HDLBP: variants seen among roughly 807,000 people sequenced by gnomAD.
HDLBP encodes the protein vigilin.
A neutral mutation model predicts 137.3 loss-of-function variants in HDLBP; 30 were observed. The ratio of observed to expected loss-of-function variants is 0.22; its 90% confidence interval spans 0.16 to 0.30. The LOEUF (loss-of-function observed/expected upper bound fraction) is 0.30, where lower values mean the gene tolerates loss of function less well. Ranked by LOEUF, HDLBP falls within the 10% of genes least tolerant of loss-of-function variation. The pLI, the probability that HDLBP is intolerant of heterozygous loss-of-function variation, is 1.00. For synonymous variants in HDLBP, 606 were observed against 596.0 expected (o/e 1.02, Z -0.24); for missense variants, 1,119 against 1,667.3 (o/e 0.67, Z 5.73).
At chr2:241,307,471 T>A (rs967270217) in intron 1 of HDLBP, among the ~76,000 whole-genome samples, 1 of 152,176 alleles carries the variant, frequency 6.6e-6, no homozygotes, top group Non-Finnish European at 1.5e-5. Context: ...TTAATTAACA[T>A]TGACAGTATT....
intron 1 of HDLBP, among the ~76,000 whole-genome samples, chr2:241,279,726 A>C (rs1215537608): frequency 6.6e-6 from 1 of 152,196 alleles, no homozygotes; most frequent in East Asian, 1.9e-4. Flanking sequence ...AAGGCTTAAG[A>C]AGCAAATACT....
intron 16 of HDLBP, 62 bp downstream of exon 16, chr2:241,246,690 C>T (rs2071708711): frequency 6.5e-7 from 1 of 1,544,186 alleles, no homozygotes; most frequent in Non-Finnish European, 8.8e-7. Flanking sequence ...ACCCCAGGCT[C>T]AATCTTAGAG....
At chr2:241,243,527 C>T (rs1265249066) in intron 16 of HDLBP, 3 of 153,038 alleles carry the variant, frequency 2.0e-5, no homozygotes, top group East Asian at 1.9e-4. Flanking sequence ...GCCTGCAGCT[C>T]AGTCGGGGCC....
Position 241,239,826 on chromosome 2 carries a change from G to A in HDLBP, c.2392-6C>T. ...GAGTCTTCCACCACATTATCCTGCA[G>A]TGTTAAGAAGAGATGGAAGATAAGC... On this transcript the variant is annotated splice_polypyrimidine_tract_variant and splice_region_variant and intron_variant, in intron 18 of 27. Coordinates refer to ENST00000310931, the MANE Select transcript of HDLBP (RefSeq NM_005336.6). The surrounding 1 kb of genome is among the most constrained non-coding windows in gnomAD (Gnocchi z 4.6). The A allele has an allele frequency of 1.2e-6, 2 of 1,612,394 alleles. No individual in the cohort carries two copies. The highest frequency in any genetic ancestry group is 1.7e-6 in the Non-Finnish European group (2 of 1,178,718).
At chr2:241,262,509 G>GT (rs2073287520) in intron 5 of HDLBP, among the ~76,000 whole-genome samples, 1 of 152,196 alleles carries the variant, frequency 6.6e-6, no homozygotes, top group South Asian at 2.1e-4. Context: ...AGCAAAAATG[G>GT]TAAGTGTCCC....
rs56864201 is a variant in HDLBP, at chr2:241,241,566, C to CA, written c.2169+893dup. Among the ~76,000 whole-genome samples, 67 of 31,464 alleles carry CA rather than the reference C, an allele frequency of 2.1e-3. 9 individuals carry two copies. The highest frequency in any genetic ancestry group is 2.5e-3 in the Non-Finnish European group (50 of 20,014). 20.6% of individuals were successfully genotyped at this position (31,464 alleles called of 152,430 possible). On this transcript the variant is annotated intron_variant, in intron 17 of 27. Transcript: ENST00000310931. ...TGGGCGACAGAGCAAGACTCCGTCT[C>CA]AAAAAAAAAAAAAAAAAAAAAAAAA...
chr2:241,241,814 A>C (rs1443677534), intron 17 of HDLBP, among the ~76,000 whole-genome samples: 1 of 152,170 alleles, frequency 6.6e-6, no homozygotes, highest in Non-Finnish European at 1.5e-5. Context: ...CCAATAAAGA[A>C]TCACAGACCT....
intron 1 of HDLBP, among the ~76,000 whole-genome samples, chr2:241,303,638 C>T (rs962096589): frequency 6.6e-6 from 1 of 152,256 alleles, no homozygotes; most frequent in Non-Finnish European, 1.5e-5. Context: ...AGCCATTCGT[C>T]GAGACCACAC....
chr2:241,280,169 A>T (rs1395346654), intron 1 of HDLBP: 1 of 964,632 alleles, frequency 1.0e-6, no homozygotes, highest in East Asian at 1.1e-4. Flanking sequence ...CAGGTCAAAG[A>T]AATGTTTCCA....
At chr2:241,309,887 C>A (rs1181888103) in intron 1 of HDLBP, among the ~76,000 whole-genome samples, 1 of 152,230 alleles carries the variant, frequency 6.6e-6, no homozygotes, top group Non-Finnish European at 1.5e-5. Context: ...TCTGGGGAAT[C>A]TGAAGAAACC....
chr2:241,251,745 T>C (rs1026731109), intron 11 of HDLBP, among the ~76,000 whole-genome samples: 1 of 152,088 alleles, frequency 6.6e-6, no homozygotes, highest in Non-Finnish European at 1.5e-5. Flanking sequence ...GAGGCCGAGG[T>C]GGGCAGATCA....
chr2:241,272,940 G>A lies in HDLBP; in HGVS notation c.-102-4399C>T, dbSNP rs2074225768. 3.5e-6 allele frequency: 3 copies of A among 858,688 alleles called. No individual in the cohort carries two copies. Among genetic ancestry groups the A allele is most frequent in the Non-Finnish European group, 4.2e-6 (3 of 714,142 alleles). 53.2% of individuals were successfully genotyped at this position (858,688 alleles called of 1,614,324 possible). The stretch of plus-strand genomic sequence containing the variant: ...GCTGGGGTCCCCGCCGCCCCGGGCC[G>A]CCCAGCACCCGGGAGGCCCACCCAA... On this transcript the variant is annotated intron_variant, in intron 1 of 27. Coordinates refer to ENST00000310931, the MANE Select transcript of HDLBP (RefSeq NM_005336.6). The surrounding 1 kb of genome is among the most constrained non-coding windows in gnomAD (Gnocchi z 5.6).
At chr2:241,259,094 G>A (rs867852972) in intron 5 of HDLBP, among the ~76,000 whole-genome samples, 1 of 152,152 alleles carries the variant, frequency 6.6e-6, no homozygotes, top group Non-Finnish European at 1.5e-5. Flanking sequence ...GAAAGCCTGG[G>A]TAAATTACAG....
In HDLBP at chr2:241,266,803, G is replaced by C; in HGVS notation, c.67C>G (p.Gln23Glu). Reference protein sequence around the residue: ...AEHRSGLVPQQIKVATLNSEE... With the variant: ...AEHRSGLVPQEIKVATLNSEE... ...ATAAAAGGGCTGTCACCTTTGATTT[G>C]TTGCGGAACCAGCCCACTTCGGTGT... Residue 23 changes from glutamine (Q) to glutamate (E), a missense_variant, in exon 3 of 28, where the codon CAA (glutamine) becomes GAA (glutamate). By Grantham distance (29) the Gln-to-Glu change is conservative. This residue lies in a region of HDLBP where 59 missense variants were observed against 92.4 expected (regional missense o/e 0.64). Coordinates refer to ENST00000310931, the MANE Select transcript of HDLBP (RefSeq NM_005336.6). 1 of 1,606,518 alleles carries C rather than the reference G, an allele frequency of 6.2e-7. No individual in the cohort carries two copies. The highest frequency in any genetic ancestry group is 8.5e-7 in the Non-Finnish European group (1 of 1,173,030).
At chr2:241,308,900 T>C (rs1054823885) in intron 1 of HDLBP, among the ~76,000 whole-genome samples, 1 of 152,212 alleles carries the variant, frequency 6.6e-6, no homozygotes, top group Non-Finnish European at 1.5e-5. Context: ...AAGATCCGAC[T>C]GCTAGGAGCC....
intron 1 of HDLBP, among the ~76,000 whole-genome samples, chr2:241,309,914 G>A (rs2075711467): frequency 6.6e-6 from 1 of 152,170 alleles, no homozygotes; most frequent in African/African-American, 2.4e-5. Context: ...AGCTGACAAG[G>A]GTGCTGTAAG....
intron 1 of HDLBP, among the ~76,000 whole-genome samples, chr2:241,297,874 C>T (rs1484360141): frequency 6.6e-6 from 1 of 151,486 alleles, no homozygotes. Flanking sequence ...ATGGTGAAAC[C>T]TTCTCTCTAC....
intron 24 of HDLBP, 183 bp from the exon 25 acceptor site, chr2:241,231,127 G>A (rs2069691525): frequency 1.7e-6 from 1 of 578,732 alleles, no homozygotes; most frequent in Non-Finnish European, 3.1e-6. Context: ...GCTCACGCCT[G>A]TAATCCCAGC....
At chr2:241,271,566 A>T (rs751778375) in intron 1 of HDLBP, among the ~76,000 whole-genome samples, 4 of 152,246 alleles carry the variant, frequency 2.6e-5, no homozygotes, top group Non-Finnish European at 5.9e-5. Context: ...CGAGGAAGTA[A>T]TTAAGTTGAT....
Sources: allele counts gnomAD v4.1 joint callset (sites outside exome capture counted in the v4.1 genomes callset), GRCh38; gene constraint gnomAD v4.1.1; regional missense constraint gnomAD v4.1.1; non-coding constraint Gnocchi (gnomAD v3.1); transcripts MANE v1.5; gene names NCBI Gene and HGNC (gene_info 2026-07-23, HGNC 2026-07-21).